AGPAT4: variants seen among roughly 807,000 people sequenced by gnomAD.
The protein encoded by AGPAT4 is 1-acylglycerol-3-phosphate O-acyltransferase 4.
Under a neutral mutation model 48.0 loss-of-function variants are expected in AGPAT4, and 15 were observed. That is an observed-to-expected ratio of 0.31 (90% CI 0.21 to 0.48). AGPAT4 has a LOEUF of 0.48. Ranked by LOEUF, AGPAT4 falls within the 20% of genes least tolerant of loss-of-function variation. The probability of loss-of-function intolerance (pLI) is 0.99; values close to 1 mark genes in which losing one functional copy is unlikely to be tolerated. For missense variants in AGPAT4, 314 were observed against 482.5 expected (o/e 0.65, Z 3.27); for synonymous variants, 178 against 198.7 (o/e 0.90, Z 0.88).
intron 2 of AGPAT4, among the ~76,000 whole-genome samples, chr6:161,187,716 G>T (rs1187807748): frequency 6.6e-6 from 1 of 151,770 alleles, no homozygotes; most frequent in Non-Finnish European, 1.5e-5. Flanking sequence ...AATTTTTTTT[G>T]TATGTTTAGT....
rs1779819193 is a variant in AGPAT4, at chr6:161,158,327, A to G, written c.349-4017T>C. ...TGTGTGATGCCAACAGCTTTCAGAG[A>G]GAATGTACAAGAAAATATACTAATT... On this transcript the variant is annotated intron_variant, in intron 3 of 8. Coordinates refer to ENST00000320285, the MANE Select transcript of AGPAT4 (RefSeq NM_020133.3). The surrounding 1 kb of genome is among the most constrained non-coding windows in gnomAD (Gnocchi z 5.3). Among the ~76,000 whole-genome samples the G allele has an allele frequency of 6.6e-6, 1 of 152,220 alleles. No individual in the cohort carries two copies.
rs1780063288 is a variant in AGPAT4 at position 161,165,329 on chromosome 6, C to T, written c.348+919G>A. The stretch of plus-strand genomic sequence containing the variant: ...TCTTCATCTGCCTCCAGGAACCAGA[C>T]CCGTCTAGTTCCCTATGTCCTCCAT... On this transcript the variant is annotated intron_variant, in intron 3 of 8. Coordinates refer to ENST00000320285, the MANE Select transcript of AGPAT4 (RefSeq NM_020133.3). This position sits in a 1 kb window ranked among gnomAD's most constrained non-coding sequence, Gnocchi z 5.5. Among the ~76,000 whole-genome samples the T allele has an allele frequency of 6.6e-6, 1 of 152,184 alleles. No homozygotes were observed. The highest frequency in any genetic ancestry group is 2.1e-4 in the South Asian group (1 of 4,828).
intron 2 of AGPAT4, among the ~76,000 whole-genome samples, chr6:161,174,700 A>C (rs548310773): frequency 9.5e-4 from 144 of 152,292 alleles, no homozygotes; most frequent in Non-Finnish European, 1.6e-3. Context: ...AGGAGTGGTG[A>C]GAGAGGGCAT....
chr6:161,244,277 G>C lies in AGPAT4; in HGVS notation c.-89-11975C>G, dbSNP rs999904044. Among the ~76,000 whole-genome samples the C allele has an allele frequency of 6.6e-6, 1 of 152,198 alleles. No individual in the cohort carries two copies. Among genetic ancestry groups the C allele is most frequent in the African/African-American group, 2.4e-5 (1 of 41,446 alleles). Reference sequence around the variant, plus strand: ...AAAGAAGCAGGAAGTCTTCCGGGCAGGGGTGAGGATGGGGCTGACACCAAC... The same window carrying C: ...AAAGAAGCAGGAAGTCTTCCGGGCACGGGTGAGGATGGGGCTGACACCAAC... On this transcript the variant is annotated intron_variant, in intron 1 of 8. Coordinates refer to ENST00000320285, the MANE Select transcript of AGPAT4 (RefSeq NM_020133.3). The surrounding 1 kb of genome is among the most constrained non-coding windows in gnomAD (Gnocchi z 4.7).
Position 161,166,227 on chromosome 6 carries a change from G to T in AGPAT4, c.348+21C>A. Reference sequence around the variant, plus strand: ...AACCAGAGAAATGTGTGAGGCAGGGGGGAATGCACTTCTGACTTACCCCTA... The same window carrying T: ...AACCAGAGAAATGTGTGAGGCAGGGTGGAATGCACTTCTGACTTACCCCTA... On this transcript the variant is annotated intron_variant, in intron 3 of 8. Coordinates refer to ENST00000320285, the MANE Select transcript of AGPAT4 (RefSeq NM_020133.3). This position sits in a 1 kb window ranked among gnomAD's most constrained non-coding sequence, Gnocchi z 6.7. 3 of 1,611,706 alleles carry T rather than the reference G, an allele frequency of 1.9e-6. No homozygotes were observed. The highest frequency in any genetic ancestry group is 2.5e-6 in the Non-Finnish European group (3 of 1,178,830).
chr6:161,167,249 T>A (rs1562321036), intron 2 of AGPAT4, among the ~76,000 whole-genome samples: 1 of 152,176 alleles, frequency 6.6e-6, no homozygotes, highest in Non-Finnish European at 1.5e-5. Context: ...TCTTTTGAGA[T>A]GGAGTCTTGC....
Position 161,270,445 on chromosome 6 carries a change from C to T in AGPAT4, c.-90+3493G>A, listed in dbSNP as rs1029729777. Among the ~76,000 whole-genome samples the T allele has an allele frequency of 1.1e-4, 16 of 151,950 alleles. No individual in the cohort carries two copies. Among genetic ancestry groups the T allele is most frequent in the African/African-American group, 3.6e-4 (15 of 41,348 alleles). On this transcript the variant is annotated intron_variant, in intron 1 of 8. Coordinates refer to ENST00000320285, the MANE Select transcript of AGPAT4 (RefSeq NM_020133.3). The surrounding 1 kb of genome is among the most constrained non-coding windows in gnomAD (Gnocchi z 5.3). ...ATAGGAGTGATGAAAGGCGTTTCAC[C>T]AAAGATTTAGAGGTCAAACACCATT...
In AGPAT4 at chr6:161,218,279, G is replaced by A. The variant is rs543692059; in HGVS notation, c.178+13757C>T. ...AAAAGCCCTGATTTATAGTTCTGCC[G>A]ATTTCTATGGTGCAAATATTCCCAC... is the stretch of plus-strand genomic sequence containing the variant. On this transcript the variant is annotated intron_variant, in intron 2 of 8. Transcript: ENST00000320285. The surrounding 1 kb of genome is among the most constrained non-coding windows in gnomAD (Gnocchi z 4.7). 6.6e-6 allele frequency among the ~76,000 whole-genome samples: 1 copy of A among 152,250 alleles called. No individual in the cohort carries two copies. Among genetic ancestry groups the A allele is most frequent in the African/African-American group, 2.4e-5 (1 of 41,554 alleles).
intron 3 of AGPAT4, chr6:161,160,246 C>T (rs114936048): frequency 5.7e-4 from 85 of 149,796 alleles, no homozygotes; most frequent in African/African-American, 2.1e-3. Context: ...AGACTCCATT[C>T]TTGCCAACTG....
At chr6:161,172,890 A>G (rs1780313093) in intron 2 of AGPAT4, among the ~76,000 whole-genome samples, 1 of 150,740 alleles carries the variant, frequency 6.6e-6, no homozygotes, top group South Asian at 2.1e-4. Flanking sequence ...GAGAACATGC[A>G]GTGTTTGGTT....
In AGPAT4 at chr6:161,270,034, GA is replaced by G. The variant is rs1242746095; in HGVS notation, c.-90+3903del. 5.3e-5 allele frequency among the ~76,000 whole-genome samples: 8 copies of G among 152,202 alleles called. No homozygotes were observed. The East Asian group carries it at 1.5e-3, about 29-fold the overall frequency. On this transcript the variant is annotated intron_variant, in intron 1 of 8. Transcript: ENST00000320285. This position sits in a 1 kb window ranked among gnomAD's most constrained non-coding sequence, Gnocchi z 5.3. ...AGATGGATTGTTCCATGACAATGTT[GA>G]AACAAATTATACTCCTTTTAAGATA...
intron 1 of AGPAT4, among the ~76,000 whole-genome samples, chr6:161,271,423 T>C (rs930039889): frequency 1.3e-5 from 2 of 152,204 alleles, no homozygotes; most frequent in Non-Finnish European, 2.9e-5. Flanking sequence ...CGCCACCCGT[T>C]TGGTGGATTT....
intron 3 of AGPAT4, among the ~76,000 whole-genome samples, chr6:161,157,779 C>G (rs780615817): frequency 1.3e-5 from 2 of 152,164 alleles, no homozygotes; most frequent in Non-Finnish European, 2.9e-5. Context: ...AAATGTCACT[C>G]AATTCTCTTT....
Position 161,142,113 on chromosome 6 carries a change from CAA to C in AGPAT4, c.844-2495_844-2494del, listed in dbSNP as rs1430612161. Among the ~76,000 whole-genome samples, 5 of 152,250 alleles carry C rather than the reference CAA, an allele frequency of 3.3e-5. No homozygotes were observed. The stretch of plus-strand genomic sequence containing the variant: ...AGGTGATCCTCCTGCCTCAGCCTCC[CAA>C]AGTGTTGGGATTACAGGCGTGAGCC... On this transcript the variant is annotated intron_variant, in intron 7 of 8. Transcript: ENST00000320285. The surrounding 1 kb of genome is among the most constrained non-coding windows in gnomAD (Gnocchi z 6.4).
rs114942754 is a variant in AGPAT4, at chr6:161,259,167, C to T, written c.-90+14771G>A. ...GTGTACAACATAATGTTATGATATA[C>T]GTTTACACCGTGAAATGATTAAATG... On this transcript the variant is annotated intron_variant, in intron 1 of 8. Coordinates refer to ENST00000320285, the MANE Select transcript of AGPAT4 (RefSeq NM_020133.3). The surrounding 1 kb of genome is among the most constrained non-coding windows in gnomAD (Gnocchi z 4.9). Among the ~76,000 whole-genome samples the T allele has an allele frequency of 1.4e-3, 216 of 152,148 alleles. No individual in the cohort carries two copies. Among genetic ancestry groups the T allele is most frequent in the African/African-American group, 4.9e-3 (205 of 41,494 alleles).
In AGPAT4 at chr6:161,139,472, C is replaced by T; in HGVS notation, c.992G>A (p.Arg331Lys). The T allele has an allele frequency of 6.2e-7, 1 of 1,614,124 alleles. No individual in the cohort carries two copies. Among genetic ancestry groups the T allele is most frequent in the Non-Finnish European group, 8.5e-7 (1 of 1,180,026 alleles). ...GGCCAGCGTCAGGGAAGACCCGCTC[C>T]TGATCATGCTGACCAGGAACTGGAA... ...PFFQFLVSMI[R>K]SGSSLTLASF... is the part of the protein sequence containing the mutation. The change falls in exon 8 of 9, where the codon AGG becomes AAG. Residue 331 changes from arginine (R) to lysine (K), a missense_variant. Arg to Lys is a conservative substitution (Grantham distance 26). Transcript: ENST00000320285. This position sits in a 1 kb window ranked among gnomAD's most constrained non-coding sequence, Gnocchi z 9.1.
In AGPAT4 at chr6:161,270,695, T is replaced by A. The variant is rs994442247; in HGVS notation, c.-90+3243A>T. Among the ~76,000 whole-genome samples, 4 of 152,148 alleles carry A rather than the reference T, an allele frequency of 2.6e-5. No individual in the cohort carries two copies. Among genetic ancestry groups the A allele is most frequent in the Middle Eastern group, 6.8e-3 (2 of 292 alleles). ...TACTCGGGAGGCTGAGGCAGGAGAA[T>A]CGCTTGAATCCAGGAGGGGGAGGTT... is the stretch of plus-strand genomic sequence containing the variant. On this transcript the variant is annotated intron_variant, in intron 1 of 8. Coordinates refer to ENST00000320285, the MANE Select transcript of AGPAT4 (RefSeq NM_020133.3). The surrounding 1 kb of genome is among the most constrained non-coding windows in gnomAD (Gnocchi z 5.3).
Position 161,238,260 on chromosome 6 carries a change from A to G in AGPAT4, c.-89-5958T>C, listed in dbSNP as rs1048092115. 6.6e-6 allele frequency among the ~76,000 whole-genome samples: 1 copy of G among 152,220 alleles called. No homozygotes were observed. Among genetic ancestry groups the G allele is most frequent in the Non-Finnish European group, 1.5e-5 (1 of 68,034 alleles). On this transcript the variant is annotated intron_variant, in intron 1 of 8. Coordinates refer to ENST00000320285, the MANE Select transcript of AGPAT4 (RefSeq NM_020133.3). This position sits in a 1 kb window ranked among gnomAD's most constrained non-coding sequence, Gnocchi z 5.2. ...TGTGTAAAATCAGAGCAATAACTTCAGCATGAGGTGGCTGCAAGGAGCAAG... is the reference window on the plus strand; with the variant it reads ...TGTGTAAAATCAGAGCAATAACTTCGGCATGAGGTGGCTGCAAGGAGCAAG...
rs1400548877 is a variant in AGPAT4 at position 161,244,941 on chromosome 6, C to T, written c.-89-12639G>A. The stretch of plus-strand genomic sequence containing the variant: ...GCTATCTCAGAAAACCAAGGAGATG[C>T]GAAGTGATAGCAACCAGAGCCAAAG... On this transcript the variant is annotated intron_variant, in intron 1 of 8. Transcript: ENST00000320285. This position sits in a 1 kb window ranked among gnomAD's most constrained non-coding sequence, Gnocchi z 4.7. Among the ~76,000 whole-genome samples the T allele has an allele frequency of 1.3e-5, 2 of 152,136 alleles. No individual in the cohort carries two copies. The highest frequency in any genetic ancestry group is 4.8e-5 in the African/African-American group (2 of 41,414).
Sources: allele counts gnomAD v4.1 joint callset (sites outside exome capture counted in the v4.1 genomes callset), GRCh38; gene constraint gnomAD v4.1.1; non-coding constraint Gnocchi (gnomAD v3.1); transcripts MANE v1.5; gene names NCBI Gene and HGNC (gene_info 2026-07-23, HGNC 2026-07-21).